DNAAF11: variants seen among roughly 807,000 people sequenced by gnomAD.
DNAAF11 encodes the protein dynein axonemal assembly factor 11, also known as leucine rich repeat containing 6.
Under a neutral mutation model 60.8 loss-of-function variants are expected in DNAAF11, and 45 were observed. The observed-to-expected ratio is 0.74, with a 90% CI of 0.58 to 0.95. DNAAF11 has a LOEUF of 0.95. Ranked by LOEUF, DNAAF11 falls within the 40% of genes least tolerant of loss-of-function variation. The pLI is 0.00. For synonymous variants in DNAAF11, 191 were observed against 183.5 expected, an observed-to-expected ratio of 1.04 and a Z score of -0.33; for missense variants, 546 against 546.2, an observed-to-expected ratio of 1.00 and a Z score of 0.00.
chr8:132,689,856 G>A, the DNAAF11 span, among the ~76,000 whole-genome samples: 88,330 of 151,894 alleles, frequency 0.58, 28,039 homozygotes, highest in African/African-American at 0.86. Context: ...GGGACTATAG[G>A]CTCGCACCAT....
chr8:132,656,893 G>A lies in DNAAF11; in HGVS notation c.193C>T (p.Leu65Phe), dbSNP rs2130779094. The change falls in exon 3 of 12, where the codon CTC (leucine) becomes TTC (phenylalanine). Residue 65 changes from leucine to phenylalanine, a missense_variant. Coordinates refer to ENST00000620350, the MANE Select transcript of DNAAF11 (RefSeq NM_012472.6). ...AAATTCAAATATTCAAGTTTCTTGA[G>A]TTTGCTAACATTTTCTGAAATACAA... is the stretch of plus-strand genomic sequence containing the variant. Reference protein sequence around the residue: ...LIGKIENVSKLKKLEYLNLAL... With the variant: ...LIGKIENVSKFKKLEYLNLAL... 4 of 1,354,966 alleles carry A rather than the reference G, an allele frequency of 3.0e-6. No homozygotes were observed. Among genetic ancestry groups the A allele is most frequent in the Non-Finnish European group, 4.1e-6 (4 of 966,526 alleles). 83.9% of individuals were successfully genotyped at this position (1,354,966 alleles called of 1,614,324 possible). A position where few individuals can be genotyped will look rare whatever the true frequency, so the allele number is the denominator to read the frequency against.
At chr8:132,694,418 G>C in the DNAAF11 span, among the ~76,000 whole-genome samples, 17 of 152,158 alleles carry the variant, frequency 1.1e-4, no homozygotes, top group Non-Finnish European at 2.2e-4. Flanking sequence ...GCAGGGAGAA[G>C]ATGGCCATCC....
the DNAAF11 span, among the ~76,000 whole-genome samples, chr8:132,698,242 A>G: frequency 6.6e-6 from 1 of 152,210 alleles, no homozygotes. Context: ...GTAATAGACC[A>G]TGGAAAGCTC....
intron 1 of DNAAF11, among the ~76,000 whole-genome samples, chr8:132,662,349 A>C (rs943136555): frequency 6.6e-6 from 1 of 152,170 alleles, no homozygotes; most frequent in Non-Finnish European, 1.5e-5. Flanking sequence ...TGGACATAGC[A>C]CTATCTATGG....
chr8:132,621,346 T>A (rs1324098079), intron 7 of DNAAF11, among the ~76,000 whole-genome samples: 1 of 152,110 alleles, frequency 6.6e-6, no homozygotes. Flanking sequence ...TTGAAGTGGA[T>A]CAGCGCCATT....
At chr8:132,622,474 T>C in intron 7 of DNAAF11, 137 bp downstream of exon 7, 1 of 609,438 alleles carries the variant, frequency 1.6e-6, no homozygotes. Context: ...CAAATGACAT[T>C]ATTTTTAGAC....
At chr8:132,640,288 C>A (rs190874296) in intron 3 of DNAAF11, among the ~76,000 whole-genome samples, 1 of 152,224 alleles carries the variant, frequency 6.6e-6, no homozygotes, top group East Asian at 1.9e-4. Flanking sequence ...GGTGATATAT[C>A]CCAGAGTTCC....
intron 1 of DNAAF11, among the ~76,000 whole-genome samples, chr8:132,669,427 T>C (rs1434804054): frequency 6.6e-6 from 1 of 152,078 alleles, no homozygotes; most frequent in Non-Finnish European, 1.5e-5. Context: ...AGGATACAAG[T>C]GGAAGGGAAT....
intron 11 of DNAAF11, among the ~76,000 whole-genome samples, chr8:132,582,045 G>A (rs572601588): frequency 1.3e-5 from 2 of 152,262 alleles, no homozygotes; most frequent in African/African-American, 4.8e-5. Flanking sequence ...GATGGGCAAG[G>A]GGCCTCTTGT....
intron 7 of DNAAF11, among the ~76,000 whole-genome samples, chr8:132,621,013 T>C (rs1289005640): frequency 6.6e-6 from 1 of 151,396 alleles, no homozygotes; most frequent in African/African-American, 2.4e-5. Flanking sequence ...GAGACACGGG[T>C]GTGGGTGAAA....
At chr8:132,690,624 T>C in the DNAAF11 span, among the ~76,000 whole-genome samples, 1 of 152,134 alleles carries the variant, frequency 6.6e-6, no homozygotes, top group African/African-American at 2.4e-5. Context: ...TAGATTTCCT[T>C]AGCCATTACC....
At chr8:132,575,398 A>G (rs978634172) in intron 11 of DNAAF11, among the ~76,000 whole-genome samples, 19 of 152,210 alleles carry the variant, frequency 1.2e-4, no homozygotes, top group Admixed American at 9.2e-4. Flanking sequence ...TATGGATAAG[A>G]GTTCGTTATG....
rs777779770 is a variant in DNAAF11, at chr8:132,638,036, G to C, written c.328C>G (p.Gln110Glu). The change falls in exon 4 of 12, where the codon CAG becomes GAG. Residue 110 changes from glutamine to glutamate, a missense_variant. Coordinates refer to ENST00000620350, the MANE Select transcript of DNAAF11 (RefSeq NM_012472.6). ...IGELSSIKNL[Q>E]HNIHLKELFL... ...AGCTCCTTCAGATGGATATTGTGCTGCAAGTTTTTAATGCTGCTCAGCTCT... is the reference window on the plus strand; with the variant it reads ...AGCTCCTTCAGATGGATATTGTGCTCCAAGTTTTTAATGCTGCTCAGCTCT... The C allele has an allele frequency of 6.2e-7, 1 of 1,614,130 alleles. No homozygotes were observed.
At chr8:132,691,660 CTT>C in the DNAAF11 span, among the ~76,000 whole-genome samples, 1 of 151,928 alleles carries the variant, frequency 6.6e-6, no homozygotes, top group Non-Finnish European at 1.5e-5. Context: ...GAGAGAGAGA[CTT>C]TTTTTTAAAT....
intron 1 of DNAAF11, among the ~76,000 whole-genome samples, chr8:132,671,810 TA>T (rs1170973904): frequency 3.3e-4 from 48 of 144,830 alleles, no homozygotes; most frequent in Admixed American, 7.6e-4. Context: ...ATTTCCATAT[TA>T]AAAAAAAAAA....
intron 3 of DNAAF11, among the ~76,000 whole-genome samples, chr8:132,648,931 C>T (rs1822700833): frequency 1.3e-5 from 2 of 152,238 alleles, no homozygotes; most frequent in African/African-American, 4.8e-5. Flanking sequence ...AATGGCCATA[C>T]TGCCCAAGGC....
intron 10 of DNAAF11, among the ~76,000 whole-genome samples, chr8:132,599,788 G>C (rs1029085636): frequency 6.6e-6 from 1 of 152,064 alleles, no homozygotes; most frequent in African/African-American, 2.4e-5. Flanking sequence ...AATAATAAGA[G>C]CTATTTATGA....
intron 10 of DNAAF11, among the ~76,000 whole-genome samples, chr8:132,605,318 G>A (rs1376124346): frequency 6.6e-6 from 1 of 152,024 alleles, no homozygotes; most frequent in East Asian, 1.9e-4. Context: ...CTAAATCCAT[G>A]GCAATAAAAA....
intron 10 of DNAAF11, among the ~76,000 whole-genome samples, chr8:132,598,599 G>T (rs1817263883): frequency 6.6e-6 from 1 of 152,152 alleles, no homozygotes. Context: ...CAGACTGAAG[G>T]TATATAAAAT....
Sources: allele counts gnomAD v4.1 joint callset (sites outside exome capture counted in the v4.1 genomes callset), GRCh38; gene constraint gnomAD v4.1.1; transcripts MANE v1.5; gene names NCBI Gene and HGNC (gene_info 2026-07-23, HGNC 2026-07-21).